The following DGKG variants were observed in gnomAD, a reference collection of about 807,000 sequenced individuals.
DGKG encodes the protein diacylglycerol kinase gamma, also known as DAG kinase gamma.
A neutral mutation model predicts 105.3 loss-of-function variants in DGKG; 78 were observed. That is an observed-to-expected ratio of 0.74 (90% confidence interval 0.62 to 0.89). DGKG has a LOEUF of 0.89. Among genes scored for constraint, DGKG ranks in the 40% least tolerant of loss-of-function variants. The pLI is 0.00. For missense variants in DGKG, 958 were observed against 1,020.1 expected (o/e 0.94, Z 0.83); for synonymous variants, 346 against 367.1 (o/e 0.94, Z 0.66).
chr3:186,356,402 G>C (rs1726963500), intron 1 of DGKG, among the ~76,000 whole-genome samples: 2 of 152,178 alleles, frequency 1.3e-5, no homozygotes, highest in African/African-American at 2.4e-5. Context: ...ACAGTCTCTA[G>C]AGTGGCTGTG....
In DGKG at chr3:186,231,430, T is replaced by TTGTAAGGCTCATA. The variant is rs1720147526; in HGVS notation, c.1826+11073_1826+11074insTATGAGCCTTACA. Among the ~76,000 whole-genome samples the TTGTAAGGCTCATA allele has an allele frequency of 6.6e-6, 1 of 152,178 alleles. No homozygotes were observed. The highest frequency in any genetic ancestry group is 1.5e-5 in the Non-Finnish European group (1 of 68,036). The stretch of plus-strand genomic sequence containing the variant: ...ATCATCTCTATGAGCCTCACTTTTC[T>TTGTAAGGCTCATA]CATCTGTAAGATGGATCAATAATAC... On this transcript the variant is annotated intron_variant, in intron 20 of 24. Transcript: ENST00000265022. The surrounding 1 kb of genome is among the most constrained non-coding windows in gnomAD (Gnocchi z 4.5).
At chr3:186,179,230 A>C (rs1180181000) in intron 22 of DGKG, among the ~76,000 whole-genome samples, 1 of 152,266 alleles carries the variant, frequency 6.6e-6, no homozygotes, top group African/African-American at 2.4e-5. Flanking sequence ...AAGTTTTATC[A>C]GAACACAGCC....
chr3:186,341,636 G>C (rs1285043084), intron 1 of DGKG, among the ~76,000 whole-genome samples: 1 of 152,208 alleles, frequency 6.6e-6, no homozygotes, highest in South Asian at 2.1e-4. Flanking sequence ...AGAAGTGTCT[G>C]TTCATGTCCT....
At chr3:186,192,429 G>C (rs1717951946) in intron 21 of DGKG, among the ~76,000 whole-genome samples, 1 of 152,110 alleles carries the variant, frequency 6.6e-6, no homozygotes, top group Non-Finnish European at 1.5e-5. Context: ...TTTCCCTTCT[G>C]AGCAGTAATA....
At chr3:186,308,632 C>G (rs1724371012) in intron 2 of DGKG, among the ~76,000 whole-genome samples, 1 of 152,100 alleles carries the variant, frequency 6.6e-6, no homozygotes, top group Non-Finnish European at 1.5e-5. Flanking sequence ...TATTGAAATA[C>G]AACAGGAAAA....
At chr3:186,279,814 T>A in intron 9 of DGKG, 37 bp downstream of exon 9, 1 of 1,606,110 alleles carries the variant, frequency 6.2e-7, no homozygotes, top group Admixed American at 1.7e-5. Context: ...TGTTCCTGAA[T>A]GGCAAGAGAT....
intron 3 of DGKG, 102 bp downstream of exon 3, chr3:186,306,799 G>A (rs1403063643): frequency 1.1e-5 from 8 of 752,812 alleles, no homozygotes; most frequent in Admixed American, 4.7e-5. Context: ...ATGCTGAGGA[G>A]CAAGTTCTTC....
At chr3:186,183,685 CT>C (rs966510589) in intron 22 of DGKG, among the ~76,000 whole-genome samples, 9 of 150,274 alleles carry the variant, frequency 6.0e-5, no homozygotes, top group South Asian at 2.1e-4. Context: ...TCTAGTCTTT[CT>C]TTTTTTTTCT....
chr3:186,309,647 C>T (rs1383515570), intron 2 of DGKG, among the ~76,000 whole-genome samples: 5 of 152,156 alleles, frequency 3.3e-5, no homozygotes, highest in Non-Finnish European at 2.9e-5. Context: ...AATCTGAGAA[C>T]ATGAGTACCC....
intron 1 of DGKG, among the ~76,000 whole-genome samples, chr3:186,326,775 A>T (rs1052757176): frequency 6.6e-6 from 1 of 152,176 alleles, no homozygotes; most frequent in Non-Finnish European, 1.5e-5. Flanking sequence ...TCTCACTCCC[A>T]TCAGTTTCTG....
At position 186,200,663 on chromosome 3, in the gene DGKG, C is replaced by A. The variant is rs573624983; in HGVS notation, c.1917+11132G>T. Among the ~76,000 whole-genome samples the A allele has an allele frequency of 5.3e-5, 8 of 152,292 alleles. No individual in the cohort carries two copies. In the South Asian group the frequency reaches 6.2e-4, roughly 12 times the overall value. On this transcript the variant is annotated intron_variant, in intron 21 of 24. Transcript: ENST00000265022. Reference sequence around the variant, plus strand: ...CTGAAAGAGTGCCATCCTGACCCCCCACTTCCACCTAGCCTTGTCCGCCCT... The same window carrying A: ...CTGAAAGAGTGCCATCCTGACCCCCAACTTCCACCTAGCCTTGTCCGCCCT...
rs189087831 is a variant in DGKG at position 186,170,300 on chromosome 3, G to T, written c.2096-5282C>A. Among the ~76,000 whole-genome samples the T allele has an allele frequency of 1.3e-3, 191 of 152,308 alleles. 1 individual carries two copies. The highest frequency in any genetic ancestry group is 3.8e-3 in the African/African-American group (159 of 41,562). ...TGGGAACCACTGGGCTAAGTTATTG[G>T]GTGGATCATTCCCATTGGTCAGTGG... On this transcript the variant is annotated intron_variant, in intron 22 of 24. Coordinates refer to ENST00000265022, the MANE Select transcript of DGKG (RefSeq NM_001346.3).
intron 21 of DGKG, among the ~76,000 whole-genome samples, chr3:186,196,310 T>C (rs966834177): frequency 1.3e-5 from 2 of 152,126 alleles, no homozygotes; most frequent in African/African-American, 4.8e-5. Flanking sequence ...GCTAATTTTT[T>C]GTATTTTTAG....
At chr3:186,305,628 C>G (rs1724198041) in intron 3 of DGKG, among the ~76,000 whole-genome samples, 2 of 152,022 alleles carry the variant, frequency 1.3e-5, no homozygotes, top group African/African-American at 2.4e-5. Flanking sequence ...GCAGCAAGGG[C>G]AGAAGCAGGG....
chr3:186,335,119 T>C (rs116253890), intron 1 of DGKG, among the ~76,000 whole-genome samples: 1 of 152,180 alleles, frequency 6.6e-6, no homozygotes, highest in African/African-American at 2.4e-5. Context: ...TTGCCCAGGC[T>C]GGAGTGCAGT....
intron 6 of DGKG, among the ~76,000 whole-genome samples, chr3:186,285,118 C>A (rs1723003333): frequency 6.6e-6 from 1 of 152,224 alleles, no homozygotes; most frequent in Non-Finnish European, 1.5e-5. Context: ...TGCCCTGCCA[C>A]TTCTGGGGGG....
At chr3:186,279,681 T>C (rs993152459) in intron 9 of DGKG, 170 bp downstream of exon 9, 17 of 605,318 alleles carry the variant, frequency 2.8e-5, no homozygotes, top group Non-Finnish European at 2.8e-6. Flanking sequence ...ATGAATATAC[T>C]TCAGGCACTA....
Position 186,243,591 on chromosome 3 carries a change from G to A in DGKG, c.1762-1023C>T, listed in dbSNP as rs548248476. 1.4e-4 allele frequency among the ~76,000 whole-genome samples: 21 copies of A among 152,118 alleles called. No individual in the cohort carries two copies. In the South Asian group the frequency reaches 2.9e-3, roughly 21 times the overall value. On this transcript the variant is annotated intron_variant, in intron 19 of 24. Coordinates refer to ENST00000265022, the MANE Select transcript of DGKG (RefSeq NM_001346.3). Reference sequence around the variant, plus strand: ...GAACTTGTCTTTCCTCCTCAAACTCGGTCTTCCACCCTCGACAATGGTCTC... The same window carrying A: ...GAACTTGTCTTTCCTCCTCAAACTCAGTCTTCCACCCTCGACAATGGTCTC...
At chr3:186,205,437 C>T (rs1010255749) in intron 21 of DGKG, among the ~76,000 whole-genome samples, 15 of 152,076 alleles carry the variant, frequency 9.9e-5, no homozygotes, top group African/African-American at 2.9e-4. Context: ...GCGCCAGGCG[C>T]GGTGGCTCAC....
Sources: allele counts gnomAD v4.1 joint callset (sites outside exome capture counted in the v4.1 genomes callset), GRCh38; gene constraint gnomAD v4.1.1; non-coding constraint Gnocchi (gnomAD v3.1); transcripts MANE v1.5; gene names NCBI Gene and HGNC (gene_info 2026-07-23, HGNC 2026-07-21).